The following SORCS2 variants were observed in gnomAD, a reference collection of about 807,000 sequenced individuals.
SORCS2 encodes sortilin related VPS10 domain containing receptor 2.
Under a neutral mutation model 141.6 loss-of-function variants are expected in SORCS2, and 100 were observed. The observed-to-expected ratio is 0.71, with a 90% CI of 0.60 to 0.83. The LOEUF is 0.83. Among genes scored for constraint, SORCS2 ranks in the 40% least tolerant of loss-of-function variants. The pLI, the probability that SORCS2 is intolerant of heterozygous loss-of-function variation, is 0.00. For synonymous variants in SORCS2, 789 were observed against 676.9 expected (o/e 1.17, Z -2.57); for missense variants, 1,646 against 1,560.2 (o/e 1.05, Z -0.93).
intron 1 of SORCS2, among the ~76,000 whole-genome samples, chr4:7,247,182 G>T (rs1713153331): frequency 6.6e-6 from 1 of 152,222 alleles, no homozygotes; most frequent in African/African-American, 2.4e-5. Context: ...GCAGGTAGGA[G>T]CACGGGAGTG....
At position 7,414,254 on chromosome 4, in the gene SORCS2, G is replaced by C. The variant is rs140929563; in HGVS notation, c.548+17899G>C. On this transcript the variant is annotated intron_variant, in intron 2 of 26. Transcript: ENST00000507866. The stretch of plus-strand genomic sequence containing the variant: ...AGAGGACCCAGGGTGGTAGCCCACA[G>C]TTGCACATGGCAAGACCTGGCTGCA... Among the ~76,000 whole-genome samples the C allele has an allele frequency of 1.4e-3, 212 of 152,330 alleles. 1 individual carries two copies. The highest frequency in any genetic ancestry group is 4.9e-3 in the African/African-American group (205 of 41,574).
At chr4:7,220,800 C>T (rs867829230) in intron 1 of SORCS2, among the ~76,000 whole-genome samples, 10 of 152,112 alleles carry the variant, frequency 6.6e-5, no homozygotes, top group East Asian at 3.9e-4. Context: ...GCTTGGTCAC[C>T]GAGCAGTGGG....
intron 1 of SORCS2, among the ~76,000 whole-genome samples, chr4:7,353,660 G>A (rs1721083498): frequency 6.6e-6 from 1 of 152,164 alleles, no homozygotes; most frequent in Non-Finnish European, 1.5e-5. Context: ...CAGGTGAAAC[G>A]ATGGCCCCCG....
At chr4:7,443,363 G>A (rs1727798401) in intron 2 of SORCS2, among the ~76,000 whole-genome samples, 2 of 152,212 alleles carry the variant, frequency 1.3e-5, no homozygotes, top group Non-Finnish European at 2.9e-5. Flanking sequence ...CCGGGTGTTT[G>A]TGGAGCACCT....
chr4:7,374,170 T>TCTTCCTTTCTTCCTTTCTTC (rs1560229437), intron 1 of SORCS2, among the ~76,000 whole-genome samples: 1 of 142,204 alleles, frequency 7.0e-6, no homozygotes, highest in African/African-American at 2.7e-5. Context: ...TTTCTTTCTT[T>TCTTCCTTTCTTCCTTTCTTC]CTTTCTTTCT....
intron 3 of SORCS2, among the ~76,000 whole-genome samples, chr4:7,624,868 G>A (rs1455129452): frequency 2.6e-5 from 4 of 152,168 alleles, no homozygotes; most frequent in East Asian, 1.9e-4. Flanking sequence ...GAGCCTCAGC[G>A]CAAAACCCCT....
chr4:7,633,393 G>A (rs1171482487), intron 3 of SORCS2, among the ~76,000 whole-genome samples: 1 of 152,106 alleles, frequency 6.6e-6, no homozygotes, highest in Non-Finnish European at 1.5e-5. Flanking sequence ...CGTCCCCCAG[G>A]TCTACCAGTC....
intron 1 of SORCS2, among the ~76,000 whole-genome samples, chr4:7,374,129 CTCTT>C (rs1162945229): frequency 0.1 from 5,285 of 51,462 alleles, 107 homozygotes; most frequent in Non-Finnish European, 0.11. Flanking sequence ...CTTTCTTTCC[CTCTT>C]TCTTTCTTTC....
intron 2 of SORCS2, among the ~76,000 whole-genome samples, chr4:7,520,302 A>G (rs2109501385): frequency 6.6e-6 from 1 of 152,340 alleles, no homozygotes; most frequent in Admixed American, 6.5e-5. Flanking sequence ...ATAGCGAGGG[A>G]TTCGCTGAAA....
chr4:7,207,236 C>A lies in SORCS2; in HGVS notation c.480+14110C>A, dbSNP rs138919952. Among the ~76,000 whole-genome samples, 13 of 152,330 alleles carry A rather than the reference C, an allele frequency of 8.5e-5. No homozygotes were observed. The East Asian group carries it at 2.5e-3, about 29-fold the overall frequency. The stretch of plus-strand genomic sequence containing the variant: ...CTTTTCATTCTTTGTCTGTGAATGT[C>A]TTTTCTTCCAATCCACATCCACATG... On this transcript the variant is annotated intron_variant, in intron 1 of 26. Coordinates refer to ENST00000507866, the MANE Select transcript of SORCS2 (RefSeq NM_020777.3).
intron 2 of SORCS2, among the ~76,000 whole-genome samples, chr4:7,417,249 G>T (rs1349713822): frequency 1.3e-5 from 2 of 152,160 alleles, no homozygotes; most frequent in African/African-American, 4.8e-5. Flanking sequence ...CAGGGATGAT[G>T]CTCTTTTTAT....
At chr4:7,445,025 G>A (rs1481834180) in intron 2 of SORCS2, among the ~76,000 whole-genome samples, 1 of 152,212 alleles carries the variant, frequency 6.6e-6, no homozygotes, top group Non-Finnish European at 1.5e-5. Flanking sequence ...GCAGAGGGAG[G>A]GCGGGGAGGG....
chr4:7,410,566 A>G (rs1330225088), intron 2 of SORCS2, among the ~76,000 whole-genome samples: 1 of 152,224 alleles, frequency 6.6e-6, no homozygotes, highest in Admixed American at 6.5e-5. Flanking sequence ...CTGGGCACTT[A>G]GTAGATGTCA....
At chr4:7,256,771 C>A (rs1301997380) in intron 1 of SORCS2, among the ~76,000 whole-genome samples, 1 of 131,790 alleles carries the variant, frequency 7.6e-6, no homozygotes, top group Admixed American at 8.5e-5. Flanking sequence ...GGAAAGGGGG[C>A]GTCCAGCATG....
At chr4:7,551,502 C>T (rs1212709481) in intron 3 of SORCS2, among the ~76,000 whole-genome samples, 1 of 152,214 alleles carries the variant, frequency 6.6e-6, no homozygotes, top group Non-Finnish European at 1.5e-5. Flanking sequence ...CTATGAGATG[C>T]AGAGAGGCCT....
intron 2 of SORCS2, among the ~76,000 whole-genome samples, chr4:7,513,390 G>A (rs1368318304): frequency 1.3e-5 from 2 of 152,174 alleles, no homozygotes; most frequent in Non-Finnish European, 2.9e-5. Flanking sequence ...AGGGAAAACG[G>A]GGCTTCACCT....
intron 18 of SORCS2, 146 bp downstream of exon 18, chr4:7,718,329 G>A (rs1726341787): frequency 1.2e-6 from 1 of 863,340 alleles, no homozygotes; most frequent in Non-Finnish European, 1.7e-6. Flanking sequence ...GACTGAAGGA[G>A]GCAGCAGGGG....
chr4:7,291,495 G>T (rs1716601176), intron 1 of SORCS2, among the ~76,000 whole-genome samples: 1 of 152,138 alleles, frequency 6.6e-6, no homozygotes, highest in Admixed American at 6.5e-5. Context: ...GGATGGTGGT[G>T]CCCTTCCTGG....
chr4:7,540,385 C>T (rs1403004064), intron 3 of SORCS2, among the ~76,000 whole-genome samples: 1 of 152,082 alleles, frequency 6.6e-6, no homozygotes, highest in Non-Finnish European at 1.5e-5. Flanking sequence ...TCTTCTGTGG[C>T]TAGGAAACCC....
Sources: allele counts gnomAD v4.1 joint callset (sites outside exome capture counted in the v4.1 genomes callset), GRCh38; gene constraint gnomAD v4.1.1; transcripts MANE v1.5; gene names NCBI Gene and HGNC (gene_info 2026-07-23, HGNC 2026-07-21).